SNTG1: variants seen among roughly 807,000 people sequenced by gnomAD.
The protein encoded by SNTG1 is syntrophin gamma 1.
SNTG1 carries 39 observed loss-of-function variants against 74.7 expected under a neutral mutation model. That is an observed-to-expected ratio of 0.52 (90% CI 0.40 to 0.68). The LOEUF is 0.68. SNTG1 is among the 30% of genes least tolerant of loss of function. The probability of loss-of-function intolerance (pLI) is 0.00; values close to 1 mark genes in which losing one functional copy is unlikely to be tolerated. For synonymous variants in SNTG1, 254 were observed against 217.1 expected (o/e 1.17, Z -1.49); for missense variants, 685 against 609.5 (o/e 1.12, Z -1.30).
chr8:50,660,422 GAA>G (rs758605457), intron 15 of SNTG1, among the ~76,000 whole-genome samples: 1 of 13,622 alleles, frequency 7.3e-5, no homozygotes, highest in Admixed American at 1.1e-3. Context: ...AAGAAAGAAA[GAA>G]AGAAGAAAGA....
intron 1 of SNTG1, among the ~76,000 whole-genome samples, chr8:50,114,082 C>T (rs764032996): frequency 1.1e-4 from 16 of 151,914 alleles, no homozygotes; most frequent in South Asian, 2.1e-4. Flanking sequence ...TGAGAATATT[C>T]GACATAATAA....
At position 50,385,793 on chromosome 8, in the gene SNTG1, A is replaced by G. The variant is rs551920805; in HGVS notation, c.-27-8419A>G. Among the ~76,000 whole-genome samples, 25 of 152,322 alleles carry G rather than the reference A, an allele frequency of 1.6e-4. No homozygotes were observed. The South Asian group carries it at 5.2e-3, about 32-fold the overall frequency. ...ATGCCAGGTACCAAGGGATATGTTC[A>G]TTTGCTCAAGCAATAAAACCACATC... On this transcript the variant is annotated intron_variant, in intron 2 of 18. Transcript: ENST00000642720.
intron 1 of SNTG1, among the ~76,000 whole-genome samples, chr8:50,092,178 GTT>G (rs2079764432): frequency 6.6e-6 from 1 of 152,106 alleles, no homozygotes; most frequent in African/African-American, 2.4e-5. Flanking sequence ...TAAGCTCCCC[GTT>G]CCTGGAAGGA....
At chr8:49,933,688 A>G (rs879577209) in intron 1 of SNTG1, among the ~76,000 whole-genome samples, 4 of 152,140 alleles carry the variant, frequency 2.6e-5, no homozygotes, top group Non-Finnish European at 5.9e-5. Flanking sequence ...TGAACTCTCA[A>G]TTTTATTCCA....
At chr8:50,512,969 T>G (rs773463571) in intron 9 of SNTG1, among the ~76,000 whole-genome samples, 3 of 152,222 alleles carry the variant, frequency 2.0e-5, no homozygotes, top group Non-Finnish European at 4.4e-5. Context: ...GGAGCTGTAT[T>G]CCTTTGGAAG....
chr8:49,947,958 C>T (rs917702284), intron 1 of SNTG1, among the ~76,000 whole-genome samples: 17 of 151,892 alleles, frequency 1.1e-4, no homozygotes, highest in African/African-American at 4.1e-4. Context: ...TGGTGAAACC[C>T]CCTCTCTACT....
At chr8:50,553,284 T>C in intron 12 of SNTG1, 105 bp downstream of exon 12, 3 of 1,416,270 alleles carry the variant, frequency 2.1e-6, no homozygotes, top group Non-Finnish European at 2.9e-6. Flanking sequence ...CTTCTCAGAA[T>C]GAGACATTCA....
chr8:50,119,160 C>G lies in SNTG1; in HGVS notation c.-102-53401C>G, dbSNP rs2080918760. On this transcript the variant is annotated intron_variant, in intron 1 of 18. Coordinates refer to ENST00000642720, the MANE Select transcript of SNTG1 (RefSeq NM_018967.5). ...TCTGATTTTCTTTTTTCAGTGTGCCCTCTTCTTTCTCTCACTGCCTTTCTC... is the reference window on the plus strand; with the variant it reads ...TCTGATTTTCTTTTTTCAGTGTGCCGTCTTCTTTCTCTCACTGCCTTTCTC... 1.4e-5 allele frequency among the ~76,000 whole-genome samples: 2 copies of G among 140,768 alleles called. 1 individual carries two copies. The highest frequency in any genetic ancestry group is 5.1e-5 in the African/African-American group (2 of 38,914). The allele number at this position is 140,768 out of a possible 152,430, so 92.3% of individuals were successfully genotyped here.
intron 2 of SNTG1, among the ~76,000 whole-genome samples, chr8:50,249,502 C>A (rs2086551948): frequency 6.6e-6 from 1 of 152,230 alleles, no homozygotes; most frequent in East Asian, 1.9e-4. Context: ...TCTAGAGGAA[C>A]TCTTGCTCAG....
intron 2 of SNTG1, among the ~76,000 whole-genome samples, chr8:50,214,508 G>T (rs2131937621): frequency 6.6e-6 from 1 of 152,078 alleles, no homozygotes; most frequent in African/African-American, 2.4e-5. Context: ...AAACCACTTT[G>T]GACTGGATGA....
intron 2 of SNTG1, among the ~76,000 whole-genome samples, chr8:50,178,993 A>G (rs1198533212): frequency 1.3e-5 from 2 of 152,096 alleles, no homozygotes; most frequent in Non-Finnish European, 2.9e-5. Context: ...GAAATCATCA[A>G]TTTATTTTGA....
At chr8:49,909,836 C>G (rs1384992188), upstream of SNTG1, 1 of 152,360 alleles carries the variant, frequency 6.6e-6, no homozygotes, top group Non-Finnish European at 1.5e-5. Flanking sequence ...GGTGGCCACC[C>G]CAGGGAAATA....
intron 1 of SNTG1, among the ~76,000 whole-genome samples, chr8:50,145,275 C>G (rs1337704372): frequency 1.3e-5 from 2 of 152,020 alleles, no homozygotes; most frequent in Admixed American, 1.3e-4. Flanking sequence ...TAAAATAAGT[C>G]TTGAAACAGA....
chr8:50,559,935 A>G (rs2094477359), intron 12 of SNTG1, among the ~76,000 whole-genome samples: 1 of 152,180 alleles, frequency 6.6e-6, no homozygotes, highest in South Asian at 2.1e-4. Flanking sequence ...GAGTGAACAG[A>G]CAACCTACAG....
chr8:50,568,209 G>T (rs1169467771), intron 12 of SNTG1, among the ~76,000 whole-genome samples: 1 of 141,040 alleles, frequency 7.1e-6, no homozygotes, highest in African/African-American at 2.7e-5. Flanking sequence ...TGGCTGAATA[G>T]TATTCCATTG....
At chr8:50,569,952 T>A (rs779622492) in intron 12 of SNTG1, among the ~76,000 whole-genome samples, 10 of 152,312 alleles carry the variant, frequency 6.6e-5, no homozygotes, top group Non-Finnish European at 1.3e-4. Context: ...GTTTGGGCAC[T>A]GCACTGCATT....
chr8:50,228,743 C>A (rs2085467557), intron 2 of SNTG1, among the ~76,000 whole-genome samples: 1 of 151,624 alleles, frequency 6.6e-6, no homozygotes, highest in African/African-American at 2.4e-5. Flanking sequence ...TGAGGGAATT[C>A]ATCACTAGAA....
chr8:50,752,963 C>T (rs6996648), intron 18 of SNTG1, among the ~76,000 whole-genome samples: 32,270 of 151,836 alleles, frequency 0.21, 5,205 homozygotes, highest in African/African-American at 0.46. Context: ...TGTCTTTGGA[C>T]TCATCTTTTC....
At chr8:50,047,922 A>C (rs1819237762) in intron 1 of SNTG1, among the ~76,000 whole-genome samples, 1 of 152,144 alleles carries the variant, frequency 6.6e-6, no homozygotes, top group Admixed American at 6.5e-5. Context: ...AAGGATCAAA[A>C]TTTTAAGTTT....
Sources: allele counts gnomAD v4.1 joint callset (sites outside exome capture counted in the v4.1 genomes callset), GRCh38; gene constraint gnomAD v4.1.1; transcripts MANE v1.5; gene names NCBI Gene and HGNC (gene_info 2026-07-23, HGNC 2026-07-21).